PTPN13: variants seen among roughly 807,000 people sequenced by gnomAD.
PTPN13 encodes tyrosine-protein phosphatase non-receptor type 13.
Under a neutral mutation model 284.0 loss-of-function variants are expected in PTPN13, and 191 were observed. The ratio of observed to expected loss-of-function variants is 0.67; its 90% CI spans 0.60 to 0.76. The LOEUF (loss-of-function observed/expected upper bound fraction) is 0.76. Among genes scored for constraint, PTPN13 ranks in the 30% least tolerant of loss-of-function variants. The pLI is 0.00. For synonymous variants in PTPN13, 986 were observed against 1,022.3 expected (o/e 0.96, Z 0.68); for missense variants, 2,797 against 2,939.9 (o/e 0.95, Z 1.12).
In PTPN13 at chr4:86,759,045, C is replaced by G. The variant is rs755064196; in HGVS notation, c.3525C>G (p.Ile1175Met). The G allele has an allele frequency of 6.2e-7, 1 of 1,613,422 alleles. No homozygotes were observed. Among genetic ancestry groups the G allele is most frequent in the Non-Finnish European group, 8.5e-7 (1 of 1,179,614 alleles). The change falls in exon 23 of 48, where the codon ATC becomes ATG. Residue 1175 changes from isoleucine (I) to methionine (M), a missense_variant. By Grantham distance (10) the Ile-to-Met change is conservative. Coordinates refer to ENST00000411767, the MANE Select transcript of PTPN13 (RefSeq NM_080683.3). ...CACCTGAAGATGTGACACTTGTTAT[C>G]TCTCAGCCAAAAGAAAAGATATCCA... ...QNAPEDVTLVISQPKEKISKV... is the reference protein window; with the variant it reads ...QNAPEDVTLVMSQPKEKISKV...
chr4:86,672,878 A>G (rs185892966), intron 3 of PTPN13, among the ~76,000 whole-genome samples: 63 of 152,340 alleles, frequency 4.1e-4, no homozygotes, highest in Admixed American at 3.3e-3. Context: ...TGTAACAGCA[A>G]TCCTCATCCT....
At chr4:86,693,382 TC>T (rs1730241289) in intron 5 of PTPN13, among the ~76,000 whole-genome samples, 1 of 152,176 alleles carries the variant, frequency 6.6e-6, no homozygotes, top group African/African-American at 2.4e-5. Flanking sequence ...CTTTTAATTT[TC>T]TGAAATGAAT....
At chr4:86,658,147 C>T (rs1565253006) in intron 2 of PTPN13, among the ~76,000 whole-genome samples, 1 of 152,146 alleles carries the variant, frequency 6.6e-6, no homozygotes, top group Non-Finnish European at 1.5e-5. Flanking sequence ...TGGGGATTCC[C>T]CTGTGGCCCA....
intron 1 of PTPN13, among the ~76,000 whole-genome samples, chr4:86,612,278 G>C (rs1299747097): frequency 1.3e-5 from 2 of 152,054 alleles, no homozygotes; most frequent in African/African-American, 4.8e-5. Context: ...ATAATGAGAA[G>C]ATAATAATCA....
chr4:86,661,567 G>A (rs544828305), intron 2 of PTPN13, among the ~76,000 whole-genome samples: 107 of 152,208 alleles, frequency 7.0e-4, no homozygotes, highest in Non-Finnish European at 1.2e-3. Flanking sequence ...AAGTGGCAAG[G>A]CAGAGAGGGG....
chr4:86,792,994 A>G (rs993948753), intron 40 of PTPN13, among the ~76,000 whole-genome samples: 57 of 152,240 alleles, frequency 3.7e-4, no homozygotes, highest in African/African-American at 1.3e-3. Context: ...GACAAGATCA[A>G]ATTCACACAT....
chr4:86,754,527 G>A (rs539053627), intron 20 of PTPN13, among the ~76,000 whole-genome samples: 9 of 152,070 alleles, frequency 5.9e-5, no homozygotes, highest in Admixed American at 5.9e-4. Context: ...AAAGCATAGA[G>A]AGTTAAGTTG....
At chr4:86,680,794 T>G (rs1441484349) in intron 3 of PTPN13, among the ~76,000 whole-genome samples, 2 of 152,186 alleles carry the variant, frequency 1.3e-5, no homozygotes, top group African/African-American at 4.8e-5. Context: ...AGCCAGTGAT[T>G]ATTAGACAGA....
chr4:86,799,176 G>C lies in PTPN13; in HGVS notation c.6477G>C (p.Glu2159Asp), dbSNP rs758418592. 77 of 1,580,860 alleles carry C rather than the reference G, an allele frequency of 4.9e-5. No homozygotes were observed. Among genetic ancestry groups the C allele is most frequent in the Non-Finnish European group, 6.5e-5 (76 of 1,164,422 alleles). ...ITWGNDELPI[E>D]RTNHEDSDKD... is the part of the protein sequence containing the mutation. ...GGGGAAATGATGAGTTGCCAATAGA[G>C]AGAACAAACCATGAAGATTCTGATA... The change falls in exon 42 of 48, where the codon GAG (glutamate) becomes GAC (aspartate). Residue 2159 changes from glutamate (E) to aspartate (D), a missense_variant. Physicochemically the swap from Glu to Asp is conservative, Grantham distance 45 (BLOSUM62 2). Transcript: ENST00000411767.
At chr4:86,765,610 A>G (rs1411077260) in intron 26 of PTPN13, 122 bp downstream of exon 26, 1 of 660,728 alleles carries the variant, frequency 1.5e-6, no homozygotes, top group Non-Finnish European at 2.5e-6. Flanking sequence ...ACTCAATTAT[A>G]AAACTGTAGC....
chr4:86,746,164 G>A (rs1736739276), intron 17 of PTPN13, among the ~76,000 whole-genome samples: 1 of 152,164 alleles, frequency 6.6e-6, no homozygotes, highest in Non-Finnish European at 1.5e-5. Context: ...AAAGGAGCCA[G>A]CAGAAGAAAC....
intron 16 of PTPN13, 102 bp downstream of exon 16, chr4:86,741,918 G>A (rs981040916): frequency 4.2e-6 from 4 of 941,946 alleles, no homozygotes; most frequent in Non-Finnish European, 4.7e-6. Context: ...ATTCAGTGGG[G>A]ATAATACATC....
intron 39 of PTPN13, 95 bp downstream of exon 39, chr4:86,785,463 C>A: frequency 9.4e-7 from 1 of 1,067,832 alleles, no homozygotes; most frequent in Non-Finnish European, 1.3e-6. Flanking sequence ...ATTAGTTCTT[C>A]TTCTGTTCCT....
intron 2 of PTPN13, among the ~76,000 whole-genome samples, chr4:86,644,712 T>G (rs1053865640): frequency 1.3e-5 from 2 of 152,180 alleles, no homozygotes; most frequent in African/African-American, 4.8e-5. Flanking sequence ...GAGAAAACTT[T>G]AATTAATTGA....
intron 17 of PTPN13, among the ~76,000 whole-genome samples, chr4:86,749,927 C>A (rs1230324796): frequency 6.6e-6 from 1 of 152,166 alleles, no homozygotes; most frequent in East Asian, 1.9e-4. Flanking sequence ...CAATTCAATA[C>A]CATACATTCA....
chr4:86,711,378 T>C (rs1243980955), intron 7 of PTPN13, among the ~76,000 whole-genome samples: 1 of 152,048 alleles, frequency 6.6e-6, no homozygotes, highest in Admixed American at 6.6e-5. Flanking sequence ...ATGACTATTC[T>C]ACAAAATGGT....
chr4:86,733,969 C>T (rs1238550792), intron 12 of PTPN13, among the ~76,000 whole-genome samples: 1 of 152,132 alleles, frequency 6.6e-6, no homozygotes, highest in Non-Finnish European at 1.5e-5. Flanking sequence ...TGCTGTAAAG[C>T]AAGAATTCCC....
At chr4:86,790,416 T>C (rs1742481552) in intron 40 of PTPN13, among the ~76,000 whole-genome samples, 1 of 152,156 alleles carries the variant, frequency 6.6e-6, no homozygotes, top group South Asian at 2.1e-4. Context: ...CAGATCGACA[T>C]GATTCCTGCC....
chr4:86,636,325 A>G (rs1430919968), intron 2 of PTPN13, among the ~76,000 whole-genome samples: 1 of 152,200 alleles, frequency 6.6e-6, no homozygotes, highest in Non-Finnish European at 1.5e-5. Context: ...AAAAGTTAGA[A>G]TCATCCTTTG....
Sources: gnomAD v4.1 joint callset for allele counts (sites outside exome capture counted in the v4.1 genomes callset) on GRCh38, gnomAD v4.1.1 for gene constraint, MANE v1.5 for transcripts, NCBI Gene and HGNC (gene_info 2026-07-23, HGNC 2026-07-21) for gene names.